The following MAML2 variants were observed in gnomAD, a reference collection of about 807,000 sequenced individuals.
The protein encoded by MAML2 is mastermind-like protein 2.
Under a neutral mutation model 96.1 loss-of-function variants are expected in MAML2, and 22 were observed. The observed-to-expected ratio is 0.23, with a 90% CI of 0.16 to 0.33. The LOEUF (loss-of-function observed/expected upper bound fraction) is 0.33. Among genes scored for constraint, MAML2 ranks in the 10% least tolerant of loss-of-function variants. The pLI is 1.00. For synonymous variants in MAML2, 561 were observed against 521.3 expected (o/e 1.08, Z -1.04); for missense variants, 1,367 against 1,392.4 (o/e 0.98, Z 0.29).
intron 3 of MAML2, among the ~76,000 whole-genome samples, chr11:95,990,673 A>G (rs980142799): frequency 6.6e-6 from 1 of 152,148 alleles, no homozygotes; most frequent in Non-Finnish European, 1.5e-5. Context: ...TATTTACTGA[A>G]TAATTATAGC....
intron 2 of MAML2, among the ~76,000 whole-genome samples, chr11:96,034,456 A>AGAGTGTGTGTGT (rs766634690): frequency 7.6e-5 from 11 of 144,832 alleles, no homozygotes; most frequent in African/African-American, 2.6e-4. Flanking sequence ...AGAGAGAGAG[A>AGAGTGTGTGTGT]GTGTGTGTGT....
intron 1 of MAML2, among the ~76,000 whole-genome samples, chr11:96,240,778 T>C (rs1862427785): frequency 1.3e-5 from 2 of 152,052 alleles, no homozygotes; most frequent in South Asian, 4.1e-4. Flanking sequence ...AAAGGTACTA[T>C]TACAGTATAT....
At chr11:96,164,980 G>C (rs1861169033) in intron 1 of MAML2, among the ~76,000 whole-genome samples, 1 of 152,242 alleles carries the variant, frequency 6.6e-6, no homozygotes, top group Admixed American at 6.5e-5. Flanking sequence ...ATAAATAATA[G>C]ACAACAATTA....
At chr11:96,338,276 A>G (rs1440737407) in intron 1 of MAML2, among the ~76,000 whole-genome samples, 2 of 152,274 alleles carry the variant, frequency 1.3e-5, no homozygotes, top group Non-Finnish European at 2.9e-5. Flanking sequence ...TTAGAAATGC[A>G]GATCTGCTCA....
At chr11:96,330,730 C>T (rs576730171) in intron 1 of MAML2, among the ~76,000 whole-genome samples, 153 of 152,298 alleles carry the variant, frequency 1.0e-3, no homozygotes, top group African/African-American at 3.5e-3. Context: ...TCTCTGCATG[C>T]TCATCTCCCA....
Position 96,092,375 on chromosome 11 carries a change from A to T in MAML2, c.1656T>A (p.Arg552=). Residue 552 remains arginine (R), a synonymous_variant, in exon 2 of 5, where the codon CGT becomes CGA. Transcript: ENST00000524717. This position sits in a 1 kb window ranked among gnomAD's most constrained non-coding sequence, Gnocchi z 4.1. Reference sequence around the variant, plus strand: ...GAAACAAAGGCTTGGTGTTGCCCTGACGGGGCTCCATGGCTGGGTGCGGGT... The same window carrying T: ...GAAACAAAGGCTTGGTGTTGCCCTGTCGGGGCTCCATGGCTGGGTGCGGGT... ...INNPHPAMEP[R]QGNTKPLFHF... 1 of 1,613,874 alleles carries T rather than the reference A, an allele frequency of 6.2e-7. No individual in the cohort carries two copies. Among genetic ancestry groups the T allele is most frequent in the Non-Finnish European group, 8.5e-7 (1 of 1,179,846 alleles).
At chr11:96,157,797 G>A (rs188367912) in intron 1 of MAML2, among the ~76,000 whole-genome samples, 1 of 152,284 alleles carries the variant, frequency 6.6e-6, no homozygotes, top group Non-Finnish European at 1.5e-5. Flanking sequence ...TGGCCAGAAA[G>A]AATCCAAATA....
intron 1 of MAML2, among the ~76,000 whole-genome samples, chr11:96,340,804 C>G (rs535670764): frequency 1.7e-4 from 26 of 152,294 alleles, no homozygotes; most frequent in African/African-American, 6.0e-4. Flanking sequence ...TCCCTAGTCT[C>G]TCTTTGGGAT....
At chr11:96,107,786 A>G (rs1860049245) in intron 1 of MAML2, among the ~76,000 whole-genome samples, 1 of 152,114 alleles carries the variant, frequency 6.6e-6, no homozygotes, top group South Asian at 2.1e-4. Flanking sequence ...ATAAAAATCC[A>G]AAAGGACAGG....
intron 1 of MAML2, among the ~76,000 whole-genome samples, chr11:96,157,961 G>A (rs540948488): frequency 6.6e-6 from 1 of 152,012 alleles, no homozygotes; most frequent in Non-Finnish European, 1.5e-5. Flanking sequence ...TCAAGGGGTG[G>A]TCTCTAATTC....
intron 1 of MAML2, among the ~76,000 whole-genome samples, chr11:96,251,725 T>C (rs543029111): frequency 1.9e-3 from 266 of 139,842 alleles, no homozygotes; most frequent in Non-Finnish European, 3.2e-3. Context: ...GGCCCACAAA[T>C]ACAAACCCTT....
At chr11:96,079,273 G>T (rs1440831125) in intron 2 of MAML2, among the ~76,000 whole-genome samples, 1 of 151,954 alleles carries the variant, frequency 6.6e-6, no homozygotes, top group Non-Finnish European at 1.5e-5. Context: ...TCTTTAACCA[G>T]ACTTAAATTA....
chr11:96,335,991 C>G (rs1487364694), intron 1 of MAML2, among the ~76,000 whole-genome samples: 2 of 152,256 alleles, frequency 1.3e-5, no homozygotes, highest in East Asian at 3.9e-4. Context: ...TCTCTACTAC[C>G]AACTACTAGT....
In MAML2 at chr11:96,103,111, C is replaced by T. The variant is rs146618364; in HGVS notation, c.514-9594G>A. Among the ~76,000 whole-genome samples the T allele has an allele frequency of 1.6e-4, 25 of 152,212 alleles. No homozygotes were observed. The East Asian group carries it at 4.6e-3, about 28-fold the overall frequency. ...CTACTTTCCCTCATATTTTTTCTCCCTGCTTTAATGATTTTAGCACTTTCT... is the reference window on the plus strand; with the variant it reads ...CTACTTTCCCTCATATTTTTTCTCCTTGCTTTAATGATTTTAGCACTTTCT... On this transcript the variant is annotated intron_variant, in intron 1 of 4. Coordinates refer to ENST00000524717, the MANE Select transcript of MAML2 (RefSeq NM_032427.4).
intron 1 of MAML2, among the ~76,000 whole-genome samples, chr11:96,298,552 A>G (rs1347197978): frequency 6.6e-6 from 1 of 152,004 alleles, no homozygotes. Context: ...ATTTGCTAAG[A>G]GTGCTGGGTT....
intron 1 of MAML2, among the ~76,000 whole-genome samples, chr11:96,111,640 G>A (rs1240997911): frequency 6.6e-6 from 1 of 152,232 alleles, no homozygotes; most frequent in Non-Finnish European, 1.5e-5. Context: ...TTTTAAGTAA[G>A]ATGCTGCATA....
chr11:96,184,426 C>A (rs542279893), intron 1 of MAML2, among the ~76,000 whole-genome samples: 2 of 147,888 alleles, frequency 1.4e-5, no homozygotes, highest in African/African-American at 2.5e-5. Flanking sequence ...GGTGACAGAG[C>A]GAGACTCCAT....
At chr11:96,061,440 A>G (rs1013806392) in intron 2 of MAML2, among the ~76,000 whole-genome samples, 3 of 152,208 alleles carry the variant, frequency 2.0e-5, no homozygotes, top group South Asian at 4.1e-4. Flanking sequence ...CTTTTTCTGA[A>G]CAATGTCTCA....
Position 96,095,375 on chromosome 11 carries a change from G to A in MAML2, c.514-1858C>T, listed in dbSNP as rs77247547. ...TTGTAGTTTTTCTCACTCACAGGTG[G>A]TAAATAGTTATGGTGAATGTGTCAT... On this transcript the variant is annotated intron_variant, in intron 1 of 4. Coordinates refer to ENST00000524717, the MANE Select transcript of MAML2 (RefSeq NM_032427.4). 7.1e-3 allele frequency among the ~76,000 whole-genome samples: 1,088 copies of A among 152,284 alleles called. 17 individuals are homozygous for A. Among genetic ancestry groups the A allele is most frequent in the African/African-American group, 0.025 (1,028 of 41,560 alleles).
Sources: gnomAD v4.1 joint callset for allele counts (sites outside exome capture counted in the v4.1 genomes callset) on GRCh38, gnomAD v4.1.1 for gene constraint, Gnocchi (gnomAD v3.1) non-coding constraint, MANE v1.5 for transcripts, NCBI Gene and HGNC (gene_info 2026-07-23, HGNC 2026-07-21) for gene names.